Variants in DNAJC8 observed in about 807,000 individuals in gnomAD.
The protein encoded by DNAJC8 is dnaJ homolog subfamily C member 8.
A neutral mutation model predicts 43.2 loss-of-function variants in DNAJC8; 24 were observed. The ratio of observed to expected loss-of-function variants is 0.56; its 90% CI spans 0.40 to 0.78. The LOEUF (loss-of-function observed/expected upper bound fraction) is 0.78, where lower values mean the gene tolerates loss of function less well. DNAJC8 is among the 30% of genes least tolerant of loss of function. The pLI is 0.00. For missense variants in DNAJC8, 207 were observed against 299.4 expected (o/e 0.69, Z 2.28); for synonymous variants, 83 against 98.0 (o/e 0.85, Z 0.90).
At position 28,200,376 on chromosome 1, in the gene DNAJC8, T is replaced by A; in HGVS notation, c.*872A>T. 2.4e-6 allele frequency: 1 copy of A among 421,676 alleles called. No homozygotes were observed. The highest frequency in any genetic ancestry group is 7.1e-5 in the East Asian group (1 of 14,176). 26.1% of individuals were successfully genotyped at this position (421,676 alleles called of 1,614,324 possible). A position where few individuals can be genotyped will look rare whatever the true frequency, so the allele number is the denominator to read the frequency against. ...CAATACCCAAGGAGCACTATGGTAG[T>A]TACCTTGTATATGCCATGGCAAATC... is the stretch of plus-strand genomic sequence containing the variant. On this transcript the variant is annotated 3_prime_UTR_variant, in exon 9 of 9. Coordinates refer to ENST00000263697, the MANE Select transcript of DNAJC8 (RefSeq NM_014280.3).
intron 7 of DNAJC8, 73 bp downstream of exon 7, chr1:28,205,185 G>A: frequency 8.4e-7 from 1 of 1,185,430 alleles, no homozygotes; most frequent in East Asian, 2.4e-5. Flanking sequence ...CCCTCATTAG[G>A]AAAATCACCA....
chr1:28,203,591 A>G (rs1646750742), intron 8 of DNAJC8, among the ~76,000 whole-genome samples, 156 bp downstream of exon 8: 1 of 152,166 alleles, frequency 6.6e-6, no homozygotes, highest in Non-Finnish European at 1.5e-5. Flanking sequence ...CAGAGCTTAC[A>G]GGAGGCTGAG....
Position 28,213,418 on chromosome 1 carries a change from G to C in DNAJC8, c.237+1522C>G, listed in dbSNP as rs77357654. 2.2e-4 allele frequency among the ~76,000 whole-genome samples: 33 copies of C among 151,960 alleles called. 2 individuals carry two copies. In the East Asian group the frequency reaches 6.4e-3, roughly 29 times the overall value. On this transcript the variant is annotated intron_variant, in intron 3 of 8. Transcript: ENST00000263697. ...AGGAAGGAAAAAAAAAAGCTATAAA[G>C]TTATATAATGGGATATGATTACGTA... is the stretch of plus-strand genomic sequence containing the variant.
rs577282717 is a variant in DNAJC8, at chr1:28,208,322, T to C, written c.471+20A>G. ...ACACAATCACACAAGATACAGTGGC[T>C]TTTCCTATATTTAACTCACCAGCTC... On this transcript the variant is annotated intron_variant, in intron 6 of 8. Coordinates refer to ENST00000263697, the MANE Select transcript of DNAJC8 (RefSeq NM_014280.3). The C allele has an allele frequency of 6.3e-7, 1 of 1,591,490 alleles. No individual in the cohort carries two copies. The highest frequency in any genetic ancestry group is 1.7e-5 in the Admixed American group (1 of 58,636).
At chr1:28,223,658 T>C (rs1290915987) in intron 2 of DNAJC8, among the ~76,000 whole-genome samples, 1 of 151,410 alleles carries the variant, frequency 6.6e-6, no homozygotes. Flanking sequence ...GGGAGGATCA[T>C]TTGAGGCCAA....
At position 28,214,794 on chromosome 1, in the gene DNAJC8, T is replaced by C. The variant is rs1444732776; in HGVS notation, c.237+146A>G. On this transcript the variant is annotated intron_variant, in intron 3 of 8. Coordinates refer to ENST00000263697, the MANE Select transcript of DNAJC8 (RefSeq NM_014280.3). Reference sequence around the variant, plus strand: ...TTATTTAAGATTTTATATATTATTATGAGCTTTTTTTTACAAAACAGTTAC... The same window carrying C: ...TTATTTAAGATTTTATATATTATTACGAGCTTTTTTTTACAAAACAGTTAC... 3 of 514,814 alleles carry C rather than the reference T, an allele frequency of 5.8e-6. No homozygotes were observed. The East Asian group carries it at 9.5e-5, about 16-fold the overall frequency. The allele number at this position is 514,814 out of a possible 1,614,324, so 31.9% of individuals were successfully genotyped here. A position where few individuals can be genotyped will look rare whatever the true frequency, so the allele number is the denominator to read the frequency against.
intron 2 of DNAJC8, among the ~76,000 whole-genome samples, chr1:28,226,001 G>C (rs1196235662): frequency 2.0e-5 from 3 of 150,776 alleles, no homozygotes; most frequent in Admixed American, 2.0e-4. Flanking sequence ...ACCACACCTG[G>C]CCAAAATGGC....
intron 2 of DNAJC8, among the ~76,000 whole-genome samples, chr1:28,221,838 C>A (rs1646900305): frequency 6.6e-6 from 1 of 152,126 alleles, no homozygotes; most frequent in Non-Finnish European, 1.5e-5. Context: ...TGTAGAACAA[C>A]CCATGTCCAT....
At chr1:28,223,127 T>C (rs72659845) in intron 2 of DNAJC8, among the ~76,000 whole-genome samples, 3,220 of 152,062 alleles carry the variant, frequency 0.021, 50 homozygotes, top group Non-Finnish European at 0.031. Flanking sequence ...GGTGTCCAAG[T>C]AGTAGGGCAT....
chr1:28,231,410 A>C (rs1483680484), intron 1 of DNAJC8, among the ~76,000 whole-genome samples: 3 of 152,102 alleles, frequency 2.0e-5, no homozygotes, highest in African/African-American at 7.2e-5. Flanking sequence ...CTGCAAAATT[A>C]ATGTCTTGAA....
At chr1:28,201,945 C>T (rs753837689) in intron 8 of DNAJC8, among the ~76,000 whole-genome samples, 4 of 151,560 alleles carry the variant, frequency 2.6e-5, no homozygotes, top group Non-Finnish European at 4.4e-5. Context: ...AAAAGTTAGC[C>T]GGGCATGGTG....
At chr1:28,213,161 C>T (rs755256859) in intron 3 of DNAJC8, among the ~76,000 whole-genome samples, 23 of 152,104 alleles carry the variant, frequency 1.5e-4, no homozygotes. Context: ...TTAAGTGGTA[C>T]AGTCAAGATT....
chr1:28,214,854 C>T, intron 3 of DNAJC8, 86 bp downstream of exon 3: 1 of 1,247,930 alleles, frequency 8.0e-7, no homozygotes, highest in East Asian at 2.5e-5. Flanking sequence ...TTGGCCCAAA[C>T]ATATCAAGTC....
intron 2 of DNAJC8, among the ~76,000 whole-genome samples, chr1:28,218,233 T>C (rs1211712761): frequency 2.0e-5 from 3 of 151,632 alleles, no homozygotes; most frequent in South Asian, 4.2e-4. Flanking sequence ...GTAGCTGGAA[T>C]TACAGGCATG....
chr1:28,222,836 G>A (rs898804137), intron 2 of DNAJC8, among the ~76,000 whole-genome samples: 7 of 152,018 alleles, frequency 4.6e-5, no homozygotes, highest in Non-Finnish European at 8.8e-5. Flanking sequence ...GTTCAGAAAG[G>A]CATCCCCATA....
At chr1:28,212,197 A>G (rs1160336539) in intron 3 of DNAJC8, among the ~76,000 whole-genome samples, 1 of 121,000 alleles carries the variant, frequency 8.3e-6, no homozygotes, top group East Asian at 2.7e-4. Flanking sequence ...ATATATATAT[A>G]TATATATATA....
chr1:28,212,176 T>C (rs551739785), intron 3 of DNAJC8, among the ~76,000 whole-genome samples: 1 of 26,274 alleles, frequency 3.8e-5, no homozygotes, highest in South Asian at 8.8e-4. Flanking sequence ...TAAATATATA[T>C]ATATATATAT....
intron 1 of DNAJC8, among the ~76,000 whole-genome samples, chr1:28,229,364 CAGGCATCA>C (rs1646958328): frequency 6.6e-6 from 1 of 152,160 alleles, no homozygotes; most frequent in African/African-American, 2.4e-5. Context: ...GACCCCACAG[CAGGCATCA>C]AGAGGATTCA....
Position 28,205,325 on chromosome 1 carries a change from T to A in DNAJC8, c.496A>T (p.Thr166Ser), listed in dbSNP as rs1380681911. The A allele has an allele frequency of 6.8e-6, 11 of 1,612,988 alleles. No individual in the cohort carries two copies. Among genetic ancestry groups the A allele is most frequent in the Non-Finnish European group, 7.6e-6 (9 of 1,179,750 alleles). ...TCCAGCTCTGCAAAGAGTTTCATTG[T>A]CTGTTTATATACAGCTTGTTTGAAC... The part of the protein sequence containing the change: ...ELFKQAVYKQ[T>S]MKLFAELEIK... The change falls in exon 7 of 9, where the codon ACA (threonine) becomes TCA (serine). Residue 166 changes from threonine (T) to serine (S), a missense_variant. Physicochemically the swap from Thr to Ser is moderately conservative, Grantham distance 58. Around this residue, in one of 2 missense-constraint regions of DNAJC8, gnomAD observed 159 missense variants for 267.5 expected, o/e 0.59. Transcript: ENST00000263697.
Sources: allele counts gnomAD v4.1 joint callset (sites outside exome capture counted in the v4.1 genomes callset), GRCh38; gene constraint gnomAD v4.1.1; regional missense constraint gnomAD v4.1.1; transcripts MANE v1.5; gene names NCBI Gene and HGNC (gene_info 2026-07-23, HGNC 2026-07-21).